The following RGS7 variants were observed in gnomAD, a reference collection of about 807,000 sequenced individuals.
RGS7 encodes regulator of G protein signaling 7.
Under a neutral mutation model 81.1 loss-of-function variants are expected in RGS7, and 27 were observed. The ratio of observed to expected loss-of-function variants is 0.33; its 90% CI spans 0.25 to 0.46. The LOEUF (loss-of-function observed/expected upper bound fraction) is 0.46. RGS7 is among the 20% of genes least tolerant of loss of function. The pLI, the probability that RGS7 is intolerant of heterozygous loss-of-function variation, is 1.00. For missense variants in RGS7, 396 were observed against 607.4 expected (o/e 0.65, Z 3.66); for synonymous variants, 208 against 207.7 (o/e 1.00, Z -0.01).
intron 3 of RGS7, among the ~76,000 whole-genome samples, chr1:240,989,613 C>T (rs916776887): frequency 1.3e-5 from 2 of 152,050 alleles, no homozygotes; most frequent in Admixed American, 1.3e-4. Context: ...CGTGCATTCT[C>T]CCTACCCTCA....
At chr1:241,234,485 C>CT (rs59539573) in intron 2 of RGS7, among the ~76,000 whole-genome samples, 16,230 of 147,362 alleles carry the variant, frequency 0.11, 972 homozygotes, top group Admixed American at 0.19. Flanking sequence ...TTCTTTTTTT[C>CT]TTTTTTTTTT....
Position 241,144,926 on chromosome 1 carries a change from G to GGGGTGTGTGTGTGTGT in RGS7, c.79-46165_79-46164insACACACACACACACCC, listed in dbSNP as rs2068191841. On this transcript the variant is annotated intron_variant, in intron 2 of 18. Coordinates refer to ENST00000440928, the MANE Select transcript of RGS7 (RefSeq NM_001364886.1). This position sits in a 1 kb window ranked among gnomAD's most constrained non-coding sequence, Gnocchi z 4.7. Reference sequence around the variant, plus strand: ...TCAGTATGTGTTGGCAGGGCAGGATGGTGTGTGTGTGTGTGTGTGTGTGTG... The same window carrying GGGGTGTGTGTGTGTGT: ...TCAGTATGTGTTGGCAGGGCAGGATGGGGTGTGTGTGTGTGTGTGTGTGTGTGTGTGTGTGTGTGTG... Among the ~76,000 whole-genome samples, 2 of 141,970 alleles carry GGGGTGTGTGTGTGTGT rather than the reference G, an allele frequency of 1.4e-5. No individual in the cohort carries two copies. The highest frequency in any genetic ancestry group is 5.3e-5 in the African/African-American group (2 of 37,418). 93.1% of individuals were successfully genotyped at this position (141,970 alleles called of 152,430 possible).
chr1:241,297,892 C>T (rs574907981), intron 2 of RGS7, among the ~76,000 whole-genome samples: 5 of 152,298 alleles, frequency 3.3e-5, no homozygotes, highest in Admixed American at 1.3e-4. Flanking sequence ...ACACTGGCTT[C>T]GGTCTGAAGG....
At chr1:241,014,796 C>T (rs138097171) in intron 3 of RGS7, among the ~76,000 whole-genome samples, 7 of 152,200 alleles carry the variant, frequency 4.6e-5, no homozygotes, top group Middle Eastern at 3.4e-3. Context: ...ATCTTGAGGA[C>T]GAATACATCA....
chr1:241,002,101 T>C (rs1688232313), intron 3 of RGS7, among the ~76,000 whole-genome samples: 1 of 152,010 alleles, frequency 6.6e-6, no homozygotes, highest in African/African-American at 2.4e-5. Context: ...GGAAATCTCT[T>C]TACCTTTCTT....
chr1:240,855,435 C>T (rs76365030), intron 9 of RGS7, among the ~76,000 whole-genome samples: 3 of 137,314 alleles, frequency 2.2e-5, no homozygotes, highest in East Asian at 2.3e-4. Context: ...TTCTTTGTTT[C>T]TTCCTTTTTT....
At chr1:240,871,513 C>A (rs1386696000) in intron 6 of RGS7, among the ~76,000 whole-genome samples, 1 of 152,160 alleles carries the variant, frequency 6.6e-6, no homozygotes, top group African/African-American at 2.4e-5. Flanking sequence ...ATGCTAAGAA[C>A]CCAGTATATA....
chr1:241,055,011 A>T (rs3002684), intron 3 of RGS7, among the ~76,000 whole-genome samples: 96,357 of 152,066 alleles, frequency 0.63, 31,519 homozygotes, highest in East Asian at 0.87. Flanking sequence ...CAGTTTGGTA[A>T]ATCATGACAA....
chr1:240,824,342 C>T lies in RGS7; in HGVS notation c.684+2756G>A, dbSNP rs1211247672. Reference sequence around the variant, plus strand: ...AAATGAACAGCAGCTCTCCTTGCTACGAGCATTATCTGCTTTCAAAGTTTA... The same window carrying T: ...AAATGAACAGCAGCTCTCCTTGCTATGAGCATTATCTGCTTTCAAAGTTTA... On this transcript the variant is annotated intron_variant, in intron 10 of 18. Coordinates refer to ENST00000440928, the MANE Select transcript of RGS7 (RefSeq NM_001364886.1). 4.6e-5 allele frequency among the ~76,000 whole-genome samples: 7 copies of T among 152,344 alleles called. No individual in the cohort carries two copies. The East Asian group carries it at 1.4e-3, about 29-fold the overall frequency.
At chr1:241,310,747 C>T (rs373495299) in intron 2 of RGS7, among the ~76,000 whole-genome samples, 2 of 152,140 alleles carry the variant, frequency 1.3e-5, no homozygotes, top group African/African-American at 4.8e-5. Flanking sequence ...AACTGTCCTA[C>T]TTCCTGTTAA....
Position 240,793,704 on chromosome 1 carries a change from G to A in RGS7, c.*6+6937C>T, listed in dbSNP as rs575090159. 1.3e-4 allele frequency among the ~76,000 whole-genome samples: 19 copies of A among 146,514 alleles called. No homozygotes were observed. In the South Asian group the frequency reaches 2.1e-3, roughly 17 times the overall value. ...GGCTCACTGCAAGCTCCACCTTCCC[G>A]GTTCACGCCATTCTCCTGCCTCAGC... On this transcript the variant is annotated intron_variant, in intron 18 of 18. Transcript: ENST00000440928.
At chr1:240,910,208 T>C (rs1302343856) in intron 6 of RGS7, among the ~76,000 whole-genome samples, 1 of 152,226 alleles carries the variant, frequency 6.6e-6, no homozygotes, top group East Asian at 1.9e-4. Flanking sequence ...TCAAAAGGTC[T>C]TGGAGCTGTC....
In RGS7 at chr1:240,813,552, C is replaced by T. The variant is rs73117830; in HGVS notation, c.956+66G>A. On this transcript the variant is annotated intron_variant, in intron 13 of 18. Transcript: ENST00000440928. The stretch of plus-strand genomic sequence containing the variant: ...TTCACAATTAGCCAACAATAAAATC[C>T]TTCCCATTTCACTCAGACCCTGAAA... 12,274 of 952,056 alleles carry T rather than the reference C, an allele frequency of 0.013. 703 individuals are homozygous for T. The African/African-American group carries it at 0.14, about 11-fold the overall frequency. 59.0% of individuals were successfully genotyped at this position (952,056 alleles called of 1,614,324 possible).
chr1:241,043,058 A>G (rs967391104), intron 3 of RGS7, among the ~76,000 whole-genome samples: 2 of 152,056 alleles, frequency 1.3e-5, no homozygotes, highest in African/African-American at 4.8e-5. Flanking sequence ...AATATTTCCA[A>G]TAGATATTGT....
At chr1:241,226,268 T>C (rs564867757) in intron 2 of RGS7, among the ~76,000 whole-genome samples, 1 of 152,314 alleles carries the variant, frequency 6.6e-6, no homozygotes, top group Admixed American at 6.5e-5. Flanking sequence ...TAAATGCTTT[T>C]CCAAAATGTG....
At chr1:241,040,649 C>T (rs2060568461) in intron 3 of RGS7, among the ~76,000 whole-genome samples, 1 of 151,988 alleles carries the variant, frequency 6.6e-6, no homozygotes, top group South Asian at 2.1e-4. Flanking sequence ...TTACACCATA[C>T]CCGGCTAATT....
intron 6 of RGS7, among the ~76,000 whole-genome samples, chr1:240,873,266 G>C (rs905763215): frequency 6.6e-6 from 1 of 152,018 alleles, no homozygotes; most frequent in African/African-American, 2.4e-5. Flanking sequence ...ATGAAATATT[G>C]AAAATATCAA....
intron 2 of RGS7, among the ~76,000 whole-genome samples, chr1:241,120,543 G>T (rs1441822475): frequency 1.3e-5 from 2 of 151,902 alleles, no homozygotes; most frequent in Non-Finnish European, 2.9e-5. Flanking sequence ...ATGGAGTCTT[G>T]CTATGTTGCC....
At chr1:241,280,128 GTCATA>G (rs2078421231) in intron 2 of RGS7, among the ~76,000 whole-genome samples, 1 of 152,170 alleles carries the variant, frequency 6.6e-6, no homozygotes, top group African/African-American at 2.4e-5. Flanking sequence ...TTGAGATAAT[GTCATA>G]CTGTAGTTGG....
Sources: gnomAD v4.1 joint callset for allele counts (sites outside exome capture counted in the v4.1 genomes callset) on GRCh38, gnomAD v4.1.1 for gene constraint, Gnocchi (gnomAD v3.1) non-coding constraint, MANE v1.5 for transcripts, NCBI Gene and HGNC (gene_info 2026-07-23, HGNC 2026-07-21) for gene names.